Variants in PTN observed in about 807,000 individuals in gnomAD.
PTN encodes the protein pleiotrophin, also known as heparin affin regulatory protein.
A neutral mutation model predicts 24.1 loss-of-function variants in PTN; 18 were observed. That is an observed-to-expected ratio of 0.75 (90% CI 0.52 to 1.11). The LOEUF is 1.11. PTN is among the 50% of genes least tolerant of loss of function. The pLI, the probability that PTN is intolerant of heterozygous loss-of-function variation, is 0.00. For synonymous variants in PTN, 78 were observed against 68.6 expected (o/e 1.14, Z -0.67); for missense variants, 163 against 198.8 (o/e 0.82, Z 1.08).
At chr7:137,256,266 C>A (rs1808923154) in intron 1 of PTN, among the ~76,000 whole-genome samples, 1 of 152,074 alleles carries the variant, frequency 6.6e-6, no homozygotes, top group East Asian at 1.9e-4. Flanking sequence ...TATACATGTG[C>A]CATGATGGTT....
chr7:137,322,126 T>G, intron 1 of PTN, among the ~76,000 whole-genome samples: 1 of 152,200 alleles, frequency 6.6e-6, no homozygotes. Context: ...TTTTATTTTC[T>G]TCCTTACTAC....
intron 1 of PTN, among the ~76,000 whole-genome samples, chr7:137,287,124 C>T (rs1809568365): frequency 6.6e-6 from 1 of 152,174 alleles, no homozygotes; most frequent in Admixed American, 6.5e-5. Context: ...AGACTGAAAT[C>T]TCTGTGCTAT....
chr7:137,257,561 A>G (rs1278994741), intron 1 of PTN, among the ~76,000 whole-genome samples: 1 of 152,226 alleles, frequency 6.6e-6, no homozygotes, highest in East Asian at 1.9e-4. Context: ...AAAGTAAACC[A>G]AAGTGGAAGT....
chr7:137,286,342 C>T (rs1809553962), intron 1 of PTN, among the ~76,000 whole-genome samples: 1 of 152,156 alleles, frequency 6.6e-6, no homozygotes, highest in Non-Finnish European at 1.5e-5. Context: ...GCTCTCTAAA[C>T]AAACCCCACT....
intron 1 of PTN, among the ~76,000 whole-genome samples, chr7:137,302,180 T>C (rs867906970): frequency 1.3e-5 from 2 of 151,998 alleles, no homozygotes; most frequent in Non-Finnish European, 2.9e-5. Context: ...CCCAACCATT[T>C]TGTGAAGCAC....
intron 1 of PTN, among the ~76,000 whole-genome samples, chr7:137,255,441 T>G (rs1164693256): frequency 6.6e-6 from 1 of 152,214 alleles, no homozygotes; most frequent in Non-Finnish European, 1.5e-5. Flanking sequence ...CCTATACAAG[T>G]ATATGTTTAC....
At chr7:137,230,085 G>A (rs1034479716) in intron 4 of PTN, among the ~76,000 whole-genome samples, 1 of 151,672 alleles carries the variant, frequency 6.6e-6, no homozygotes, top group African/African-American at 2.4e-5. Context: ...TTCATATTTT[G>A]GCTAACATGT....
intron 1 of PTN, among the ~76,000 whole-genome samples, chr7:137,287,076 G>C (rs900706616): frequency 6.6e-6 from 1 of 152,054 alleles, no homozygotes; most frequent in Non-Finnish European, 1.5e-5. Flanking sequence ...ACCCTCATTC[G>C]TGTTTCATGA....
At chr7:137,303,623 A>G (rs1809840469) in intron 1 of PTN, among the ~76,000 whole-genome samples, 1 of 152,048 alleles carries the variant, frequency 6.6e-6, no homozygotes, top group African/African-American at 2.4e-5. Context: ...ATGGAAAAGT[A>G]ACCCCTTATA....
chr7:137,322,016 T>C (rs1376157695), intron 1 of PTN, among the ~76,000 whole-genome samples: 1 of 152,188 alleles, frequency 6.6e-6, no homozygotes, highest in Non-Finnish European at 1.5e-5. Context: ...AACAGAAACA[T>C]GTTTAGCTGA....
intron 4 of PTN, among the ~76,000 whole-genome samples, chr7:137,231,960 G>C (rs1808433796): frequency 6.6e-6 from 1 of 151,868 alleles, no homozygotes; most frequent in African/African-American, 2.4e-5. Flanking sequence ...AATTAGCCTG[G>C]AGCAGGGCTA....
intron 1 of PTN, among the ~76,000 whole-genome samples, chr7:137,272,717 T>TA (rs894213849): frequency 6.6e-6 from 1 of 152,056 alleles, no homozygotes; most frequent in South Asian, 2.1e-4. Context: ...TATTTCTCTC[T>TA]AAAAAAACGA....
chr7:137,255,813 T>C (rs322323), intron 1 of PTN, among the ~76,000 whole-genome samples: 66,961 of 152,018 alleles, frequency 0.44, 15,018 homozygotes, highest in African/African-American at 0.53. Context: ...TTGAGAAAGT[T>C]TCAGTCCAAG....
chr7:137,283,633 C>T (rs898795308), intron 1 of PTN, among the ~76,000 whole-genome samples: 2 of 152,084 alleles, frequency 1.3e-5, no homozygotes, highest in Non-Finnish European at 2.9e-5. Flanking sequence ...TAAGGATACC[C>T]ACCCCCATCC....
rs375312298 is a variant in PTN at position 137,307,789 on chromosome 7, G to A, written c.-2+35650C>T. 1.8e-4 allele frequency among the ~76,000 whole-genome samples: 27 copies of A among 152,216 alleles called. 1 individual carries two copies. Among genetic ancestry groups the A allele is most frequent in the African/African-American group, 5.1e-4 (21 of 41,560 alleles). ...AACAACCCTGCCCAATAGAAAGGCA[G>A]ACGAAGTAATTTGCCCAAAGTCACT... On this transcript the variant is annotated intron_variant, in intron 1 of 4. Coordinates refer to ENST00000348225, the MANE Select transcript of PTN (RefSeq NM_002825.7).
At chr7:137,246,645 T>C (rs1170111109) in intron 4 of PTN, among the ~76,000 whole-genome samples, 1 of 152,168 alleles carries the variant, frequency 6.6e-6, no homozygotes, top group East Asian at 1.9e-4. Context: ...TGGACATGCA[T>C]AAGTCATTGA....
At chr7:137,277,959 AACAGCAT>A (rs1809392710) in intron 1 of PTN, among the ~76,000 whole-genome samples, 2 of 152,222 alleles carry the variant, frequency 1.3e-5, no homozygotes, top group African/African-American at 4.8e-5. Context: ...AGATAGATGC[AACAGCAT>A]GTTGCATGAT....
At chr7:137,337,889 T>C (rs1036870542) in intron 1 of PTN, among the ~76,000 whole-genome samples, 1 of 152,196 alleles carries the variant, frequency 6.6e-6, no homozygotes, top group Non-Finnish European at 1.5e-5. Flanking sequence ...AGAGAATGAA[T>C]GGCATTTAGA....
At chr7:137,298,042 G>A (rs1269328253) in intron 1 of PTN, among the ~76,000 whole-genome samples, 19 of 151,990 alleles carry the variant, frequency 1.3e-4, no homozygotes, top group African/African-American at 4.6e-4. Flanking sequence ...ACCAGAAGCT[G>A]TCCTACTGAG....
Sources: allele counts gnomAD v4.1 joint callset (sites outside exome capture counted in the v4.1 genomes callset), GRCh38; gene constraint gnomAD v4.1.1; transcripts MANE v1.5; gene names NCBI Gene and HGNC (gene_info 2026-07-23, HGNC 2026-07-21).